Variants in GGTA1 observed in about 807,000 individuals in gnomAD.
GGTA1 encodes glycoprotein alpha-galactosyltransferase 1 (inactive).
A neutral mutation model predicts 2.6 loss-of-function variants in GGTA1; 5 were observed. That is an observed-to-expected ratio of 1.92 (90% CI 1.00 to 4.04). The LOEUF (loss-of-function observed/expected upper bound fraction) is 4.04, where lower values mean the gene tolerates loss of function less well. Ranked by LOEUF, GGTA1 falls within the 30% of genes most tolerant of loss-of-function variation. The pLI is 0.00. For synonymous variants in GGTA1, 17 were observed against 5.0 expected (o/e 3.38, Z -3.19); for missense variants, 50 against 16.7 (o/e 2.99, Z -3.47).
chr9:121,497,596 G>A (rs1274816405), intron 1 of GGTA1, among the ~76,000 whole-genome samples: 2 of 152,092 alleles, frequency 1.3e-5, no homozygotes, highest in South Asian at 2.1e-4. Context: ...GTCTTAGAAG[G>A]CTGGACGAAG....
downstream of GGTA1, among the ~76,000 whole-genome samples, chr9:121,454,178 C>T (rs375755776): frequency 9.2e-5 from 14 of 152,214 alleles, no homozygotes; most frequent in African/African-American, 1.4e-4. Flanking sequence ...ACCCCAGGTA[C>T]GCCTGCTGCA....
At chr9:121,477,245 A>C (rs1226672945) in intron 1 of GGTA1, among the ~76,000 whole-genome samples, 2 of 152,158 alleles carry the variant, frequency 1.3e-5, no homozygotes, top group Non-Finnish European at 2.9e-5. Flanking sequence ...ATTGCTCTAA[A>C]CTCTCAGTAA....
At chr9:121,449,647 C>T (rs545071538) in intron 7 of GGTA1, among the ~76,000 whole-genome samples, 5 of 152,138 alleles carry the variant, frequency 3.3e-5, no homozygotes, top group Admixed American at 1.3e-4. Flanking sequence ...TGAGACCAGC[C>T]TGGCCAATAT....
intron 1 of GGTA1, among the ~76,000 whole-genome samples, chr9:121,488,349 A>G (rs927934199): frequency 2.0e-5 from 3 of 152,148 alleles, no homozygotes; most frequent in Admixed American, 2.0e-4. Context: ...AGGGCCTACT[A>G]CATGCAGGCT....
chr9:121,488,043 A>G (rs1828797359), intron 1 of GGTA1, among the ~76,000 whole-genome samples: 1 of 152,132 alleles, frequency 6.6e-6, no homozygotes, highest in Non-Finnish European at 1.5e-5. Flanking sequence ...TTATAGCTGA[A>G]GGGAACCTAA....
At chr9:121,482,554 A>G (rs560215780) in intron 1 of GGTA1, among the ~76,000 whole-genome samples, 99 of 152,180 alleles carry the variant, frequency 6.5e-4, no homozygotes, top group African/African-American at 2.3e-3. Context: ...GGATCTCCTG[A>G]GGTTGGGAGT....
intron 1 of GGTA1, among the ~76,000 whole-genome samples, chr9:121,492,647 A>G (rs992764491): frequency 2.0e-5 from 3 of 151,408 alleles, no homozygotes; most frequent in Non-Finnish European, 4.4e-5. Context: ...CTAATTTTAT[A>G]TTTTTAGTAG....
chr9:121,462,379 C>T (rs1251512770), intron 3 of GGTA1, among the ~76,000 whole-genome samples: 9 of 151,944 alleles, frequency 5.9e-5, no homozygotes, highest in Non-Finnish European at 4.4e-5. Flanking sequence ...TGGGTGCCTT[C>T]TGGAGGATGG....
intron 1 of GGTA1, among the ~76,000 whole-genome samples, chr9:121,468,409 C>T (rs141978695): frequency 2.0e-3 from 297 of 152,300 alleles, no homozygotes; most frequent in African/African-American, 6.7e-3. Flanking sequence ...TTTCTTTATC[C>T]AGTCTATCAT....
intron 5 of GGTA1, among the ~76,000 whole-genome samples, chr9:121,459,326 G>A (rs910163376): frequency 2.0e-5 from 3 of 152,134 alleles, no homozygotes; most frequent in Non-Finnish European, 4.4e-5. Flanking sequence ...CCGTGGTGGC[G>A]CACACCAAGC....
chr9:121,494,566 G>A (rs1828947733), intron 1 of GGTA1: 1 of 152,388 alleles, frequency 6.6e-6, no homozygotes, highest in Non-Finnish European at 1.5e-5. Context: ...TCAGGGGGCT[G>A]AGGTGGGAGG....
chr9:121,463,562 G>A (rs918965063), intron 2 of GGTA1, among the ~76,000 whole-genome samples: 3 of 152,224 alleles, frequency 2.0e-5, no homozygotes, highest in Admixed American at 6.5e-5. Flanking sequence ...GTGTTTGTGT[G>A]TGTGTATTGT....
intron 5 of GGTA1, among the ~76,000 whole-genome samples, chr9:121,459,683 C>A (rs1306423425): frequency 6.6e-6 from 1 of 152,162 alleles, no homozygotes; most frequent in Non-Finnish European, 1.5e-5. Flanking sequence ...GGCACCATCA[C>A]CCACCAGTCT....
chr9:121,454,829 A>G (rs919062034), downstream of GGTA1, among the ~76,000 whole-genome samples: 1 of 152,228 alleles, frequency 6.6e-6, no homozygotes, highest in East Asian at 1.9e-4. Flanking sequence ...CCTAGCCAAC[A>G]TGGTGAAACC....
intron 1 of GGTA1, among the ~76,000 whole-genome samples, chr9:121,498,639 C>T (rs919100229): frequency 6.6e-6 from 1 of 152,192 alleles, no homozygotes; most frequent in African/African-American, 2.4e-5. Flanking sequence ...CTCCTGCTTC[C>T]TCAGACACGC....
At chr9:121,481,949 T>C (rs549074441) in intron 1 of GGTA1, among the ~76,000 whole-genome samples, 1 of 150,012 alleles carries the variant, frequency 6.7e-6, no homozygotes, top group African/African-American at 2.5e-5. Flanking sequence ...TGAGCCGAGA[T>C]CATGCCATTG....
intron 1 of GGTA1, among the ~76,000 whole-genome samples, chr9:121,489,772 G>A (rs1341805235): frequency 6.6e-6 from 1 of 152,200 alleles, no homozygotes; most frequent in Non-Finnish European, 1.5e-5. Context: ...AGAGTATGGT[G>A]GTGAAGCCCA....
chr9:121,469,582 G>A (rs1828336888), intron 1 of GGTA1, among the ~76,000 whole-genome samples: 1 of 152,190 alleles, frequency 6.6e-6, no homozygotes, highest in Non-Finnish European at 1.5e-5. Context: ...GAATGAGGTG[G>A]CAGACTACTC....
chr9:121,467,740 G>A, intron 2 of GGTA1, 103 bp downstream of exon 2: 1 of 386,288 alleles, frequency 2.6e-6, no homozygotes, highest in South Asian at 2.0e-5. Flanking sequence ...TATGGTTTTA[G>A]TTAATCCTAA....
Sources: allele counts gnomAD v4.1 joint callset (sites outside exome capture counted in the v4.1 genomes callset), GRCh38; gene constraint gnomAD v4.1.1; transcripts MANE v1.5; gene names NCBI Gene and HGNC (gene_info 2026-07-23, HGNC 2026-07-21).